WDR89: variants seen among roughly 807,000 people sequenced by gnomAD.
WDR89 encodes WD repeat domain 89, also known as WD repeat-containing protein 89.
A neutral mutation model predicts 29.1 loss-of-function variants in WDR89; 17 were observed. That is an observed-to-expected ratio of 0.58 (90% CI 0.40 to 0.88). The LOEUF is 0.88. WDR89 is among the 40% of genes least tolerant of loss of function. WDR89 has a pLI of 0.00. For missense variants in WDR89, 396 were observed against 456.3 expected, an observed-to-expected ratio of 0.87 and a Z score of 1.20; for synonymous variants, 138 against 157.8, an observed-to-expected ratio of 0.87 and a Z score of 0.94.
chr14:63,602,704 G>A (rs1218592943), intron 2 of WDR89, among the ~76,000 whole-genome samples: 4 of 151,372 alleles, frequency 2.6e-5, no homozygotes, highest in African/African-American at 9.7e-5. Context: ...CCCAGGAGGA[G>A]GAGGTTGCGG....
At chr14:63,626,166 TGA>T (rs1263586932) in intron 1 of WDR89, among the ~76,000 whole-genome samples, 2 of 152,122 alleles carry the variant, frequency 1.3e-5, no homozygotes, top group Non-Finnish European at 2.9e-5. Flanking sequence ...AGGTAAAAAG[TGA>T]GAGACCTGAT....
At chr14:63,633,756 C>T (rs888710766) in intron 1 of WDR89, among the ~76,000 whole-genome samples, 14 of 152,088 alleles carry the variant, frequency 9.2e-5, no homozygotes, top group African/African-American at 3.4e-4. Flanking sequence ...CAGTAAAAGA[C>T]CCTGATATCA....
intron 2 of WDR89, chr14:63,601,480 C>T (rs775080688): frequency 2.4e-6 from 3 of 1,234,776 alleles, no homozygotes; most frequent in Non-Finnish European, 1.2e-6. Context: ...GACACTAGAG[C>T]AGAGTACGAG....
chr14:63,629,681 TG>T (rs1394660856), intron 1 of WDR89, among the ~76,000 whole-genome samples: 1 of 152,164 alleles, frequency 6.6e-6, no homozygotes, highest in Non-Finnish European at 1.5e-5. Flanking sequence ...TGATGTTGGA[TG>T]GGAAAGGAGA....
intron 2 of WDR89, among the ~76,000 whole-genome samples, chr14:63,602,643 ATGCC>A (rs1895125205): frequency 6.7e-6 from 1 of 150,324 alleles, no homozygotes; most frequent in South Asian, 2.1e-4. Flanking sequence ...GTGGTGGCAC[ATGCC>A]TGTAATCCCA....
chr14:63,638,355 C>T (rs574693479), intron 1 of WDR89, among the ~76,000 whole-genome samples: 50 of 152,288 alleles, frequency 3.3e-4, no homozygotes, highest in African/African-American at 1.2e-3. Flanking sequence ...AGGAGGCTTA[C>T]GTGGGAACAT....
Position 63,599,127 on chromosome 14 carries a change from A to T in WDR89, c.816T>A (p.Asp272Glu). ...DVREVVNMKE[D>E]ALDYLIGGLY... The stretch of plus-strand genomic sequence containing the variant: ...GGCCACCAATCAAATAGTCCAAAGC[A>T]TCTTCTTTCATGTTAACTACTTCTC... The change falls in exon 3 of 3, where the codon GAT (aspartate) becomes GAA (glutamate). Residue 272 changes from aspartate (D) to glutamate (E), a missense_variant. Transcript: ENST00000620954. 1 of 1,613,946 alleles carries T rather than the reference A, an allele frequency of 6.2e-7. No homozygotes were observed. The highest frequency in any genetic ancestry group is 8.5e-7 in the Non-Finnish European group (1 of 1,179,920).
intron 2 of WDR89, among the ~76,000 whole-genome samples, chr14:63,610,150 G>A (rs993296952): frequency 3.3e-5 from 5 of 149,728 alleles, no homozygotes; most frequent in Non-Finnish European, 4.4e-5. Context: ...AACCTGGGAG[G>A]TGAAGGCTGC....
chr14:63,634,202 C>T (rs1883586939), intron 1 of WDR89, among the ~76,000 whole-genome samples: 1 of 152,106 alleles, frequency 6.6e-6, no homozygotes. Flanking sequence ...GCTTGGCCAA[C>T]ATGGCGAAAC....
In WDR89 at chr14:63,599,108, C is replaced by T. The variant is rs1277647565; in HGVS notation, c.835G>A (p.Gly279Ser). The T allele has an allele frequency of 6.2e-7, 1 of 1,614,080 alleles. No individual in the cohort carries two copies. The highest frequency in any genetic ancestry group is 8.5e-7 in the Non-Finnish European group (1 of 1,180,034). ...TCTGTCTTTTCATGATATAGGCCAC[C>T]AATCAAATAGTCCAAAGCATCTTCT... ...MKEDALDYLIGGLYHEKTDTL... is the reference protein window; with the variant it reads ...MKEDALDYLISGLYHEKTDTL... Residue 279 changes from glycine to serine, a missense_variant, in exon 3 of 3, where the codon GGT (glycine) becomes AGT (serine). Coordinates refer to ENST00000620954, the MANE Select transcript of WDR89 (RefSeq NM_080666.4).
intron 2 of WDR89, chr14:63,622,004 A>C (rs1047338937): frequency 6.6e-6 from 1 of 152,236 alleles, no homozygotes; most frequent in Non-Finnish European, 1.5e-5. Context: ...TGACATAAAG[A>C]AATAAAGAGC....
chr14:63,630,952 A>T (rs957824063), intron 1 of WDR89, among the ~76,000 whole-genome samples: 6 of 151,806 alleles, frequency 4.0e-5, no homozygotes, highest in Admixed American at 3.3e-4. Flanking sequence ...ATTTTTTAAT[A>T]TTTTTTTTGT....
intron 2 of WDR89, among the ~76,000 whole-genome samples, chr14:63,609,061 G>T (rs1416989856): frequency 6.6e-6 from 1 of 151,666 alleles, no homozygotes. Flanking sequence ...GCAGTGAGCC[G>T]AGATGGCGCC....
chr14:63,616,810 T>C (rs1236524790), intron 2 of WDR89, among the ~76,000 whole-genome samples: 1 of 152,162 alleles, frequency 6.6e-6, no homozygotes, highest in Non-Finnish European at 1.5e-5. Context: ...ATGGGTTCCT[T>C]GGGCTGCTGC....
At chr14:63,603,431 C>T (rs553790434) in intron 2 of WDR89, among the ~76,000 whole-genome samples, 1 of 152,338 alleles carries the variant, frequency 6.6e-6, no homozygotes, top group African/African-American at 2.4e-5. Flanking sequence ...TATTCTTCAA[C>T]AACTTTCATC....
chr14:63,618,462 G>A (rs554299341), intron 2 of WDR89, among the ~76,000 whole-genome samples: 8 of 152,200 alleles, frequency 5.3e-5, no homozygotes, highest in East Asian at 1.9e-4. Context: ...GCTTGTAGGC[G>A]TATTTTAACA....
chr14:63,605,583 C>T (rs759684091), intron 2 of WDR89, among the ~76,000 whole-genome samples: 8 of 151,998 alleles, frequency 5.3e-5, no homozygotes, highest in East Asian at 3.9e-4. Context: ...CCTCAGCCCC[C>T]GAAGCAGCTG....
rs368269397 is a variant in WDR89, at chr14:63,641,130, AAAAC to A, written c.-138+670_-138+673del. ...AAAAAAAAAAAGAAAAAGAAAAAGA[AAAAC>A]AAAAAAGAAAACAGGAGCAACATTT... On this transcript the variant is annotated intron_variant, in intron 1 of 2. Coordinates refer to ENST00000620954, the MANE Select transcript of WDR89 (RefSeq NM_080666.4). Among the ~76,000 whole-genome samples the A allele has an allele frequency of 1.5e-3, 225 of 151,992 alleles. 1 individual carries two copies. Among genetic ancestry groups the A allele is most frequent in the African/African-American group, 5.2e-3 (217 of 41,518 alleles).
chr14:63,612,706 C>T (rs757495057), intron 2 of WDR89, among the ~76,000 whole-genome samples: 2 of 152,014 alleles, frequency 1.3e-5, no homozygotes, highest in African/African-American at 2.4e-5. Context: ...AGAATTCTCA[C>T]GAATACTCCC....
Sources: allele counts gnomAD v4.1 joint callset (sites outside exome capture counted in the v4.1 genomes callset), GRCh38; gene constraint gnomAD v4.1.1; transcripts MANE v1.5; gene names NCBI Gene and HGNC (gene_info 2026-07-23, HGNC 2026-07-21).